Variants in XYLT1 observed in about 807,000 individuals in gnomAD.
XYLT1 encodes the protein xylosyltransferase 1, also known as beta-D-xylosyltransferase 1.
Under a neutral mutation model 91.3 loss-of-function variants are expected in XYLT1, and 36 were observed. The ratio of observed to expected loss-of-function variants is 0.39; its 90% confidence interval spans 0.30 to 0.52. XYLT1 has a LOEUF of 0.52. XYLT1 is among the 20% of genes least tolerant of loss of function. XYLT1 has a pLI of 0.68. For missense variants in XYLT1, 1,242 were observed against 1,284.5 expected, an observed-to-expected ratio of 0.97 and a Z score of 0.51; for synonymous variants, 588 against 532.0, an observed-to-expected ratio of 1.11 and a Z score of -1.45.
At chr16:17,115,312 T>TAAAAAAAGAAAA (rs1966849632) in intron 11 of XYLT1, among the ~76,000 whole-genome samples, 1 of 48,828 alleles carries the variant, frequency 2.0e-5, no homozygotes, top group Non-Finnish European at 3.7e-5. Flanking sequence ...CAAAAATAGT[T>TAAAAAAAGAAAA]AAAAAAAAAA....
At chr16:17,332,567 TACACACACACACACACACACACAC>T (rs60919228) in intron 2 of XYLT1, among the ~76,000 whole-genome samples, 36 of 138,006 alleles carry the variant, frequency 2.6e-4, no homozygotes, top group African/African-American at 7.8e-4. Context: ...ATCACACACA[TACACACACACACACACACACACAC>T]ACACACACAC....
intron 1 of XYLT1, among the ~76,000 whole-genome samples, chr16:17,418,114 A>G (rs984965686): frequency 6.6e-6 from 1 of 152,216 alleles, no homozygotes; most frequent in Non-Finnish European, 1.5e-5. Context: ...TCAGCCCACA[A>G]AACCTTGAGA....
chr16:17,456,709 G>A (rs899951402), intron 1 of XYLT1, among the ~76,000 whole-genome samples: 2 of 152,082 alleles, frequency 1.3e-5, no homozygotes, highest in Non-Finnish European at 1.5e-5. Context: ...CTTTCTGTGC[G>A]GCACATGCAT....
At chr16:17,237,273 A>G (rs1567336012) in intron 3 of XYLT1, among the ~76,000 whole-genome samples, 1 of 152,110 alleles carries the variant, frequency 6.6e-6, no homozygotes, top group Non-Finnish European at 1.5e-5. Flanking sequence ...GTTTTTCAGT[A>G]TTTTTTCCCC....
At chr16:17,272,898 A>G (rs1271331430) in intron 2 of XYLT1, among the ~76,000 whole-genome samples, 1 of 152,038 alleles carries the variant, frequency 6.6e-6, no homozygotes, top group South Asian at 2.1e-4. Context: ...TGTTTGATGG[A>G]GGTGGCATTG....
chr16:17,216,656 T>C (rs917409411), intron 3 of XYLT1, among the ~76,000 whole-genome samples: 20 of 152,334 alleles, frequency 1.3e-4, no homozygotes, highest in African/African-American at 4.1e-4. Context: ...TATCATCTCA[T>C]TGAGTTCTTG....
chr16:17,275,019 A>C (rs957296869), intron 2 of XYLT1, among the ~76,000 whole-genome samples: 33 of 152,030 alleles, frequency 2.2e-4, no homozygotes, highest in Admixed American at 1.8e-3. Context: ...TCTACTGAAA[A>C]TACAAAAATT....
chr16:17,331,409 C>T (rs1032895020), intron 2 of XYLT1, among the ~76,000 whole-genome samples: 4 of 152,224 alleles, frequency 2.6e-5, no homozygotes, highest in Middle Eastern at 3.2e-3. Flanking sequence ...CTGCCTCTGG[C>T]CATGCAAAAC....
At chr16:17,138,223 TATTATTA>T in intron 8 of XYLT1, 125 bp downstream of exon 8, 3 of 888,378 alleles carry the variant, frequency 3.4e-6, no homozygotes, top group Admixed American at 3.8e-5. Context: ...TACTGTTAAC[TATTATTA>T]ATTATCAACA....
intron 1 of XYLT1, among the ~76,000 whole-genome samples, chr16:17,381,161 C>T (rs1370709420): frequency 2.6e-5 from 4 of 151,818 alleles, no homozygotes; most frequent in Admixed American, 2.6e-4. Flanking sequence ...CAGTTGTTTG[C>T]CTGTGGATGG....
intron 6 of XYLT1, among the ~76,000 whole-genome samples, chr16:17,146,698 AGG>A (rs2031141928): frequency 1.3e-5 from 2 of 152,206 alleles, no homozygotes; most frequent in Non-Finnish European, 2.9e-5. Context: ...ATCCTGGGTT[AGG>A]TAATTCCCAA....
intron 5 of XYLT1, among the ~76,000 whole-genome samples, chr16:17,169,261 C>A (rs879902236): frequency 2.6e-5 from 4 of 152,176 alleles, no homozygotes; most frequent in Admixed American, 2.6e-4. Flanking sequence ...ACCAGGGGGA[C>A]AGTACCTCCT....
chr16:17,186,234 T>C (rs34653216), intron 5 of XYLT1, among the ~76,000 whole-genome samples: 1 of 151,738 alleles, frequency 6.6e-6, no homozygotes, highest in Admixed American at 6.6e-5. Context: ...CTCCCGAGTA[T>C]CTGGGATTAC....
intron 3 of XYLT1, among the ~76,000 whole-genome samples, chr16:17,254,045 C>G (rs930509075): frequency 6.6e-6 from 1 of 152,150 alleles, no homozygotes; most frequent in Non-Finnish European, 1.5e-5. Context: ...CCTTGAGCCT[C>G]GATTTCCTCA....
intron 5 of XYLT1, among the ~76,000 whole-genome samples, chr16:17,176,663 T>C (rs576640787): frequency 6.6e-6 from 1 of 152,226 alleles, no homozygotes; most frequent in South Asian, 2.1e-4. Flanking sequence ...AGCCTAAGAA[T>C]AAGGTATGCT....
Position 17,390,981 on chromosome 16 carries a change from T to C in XYLT1, c.364-32931A>G, listed in dbSNP as rs574519913. ...TGAACCTGGGAGATAGAGGTTGCAG[T>C]GAGACAAGATCACCCCATTGCACTC... On this transcript the variant is annotated intron_variant, in intron 1 of 11. Transcript: ENST00000261381. Among the ~76,000 whole-genome samples the C allele has an allele frequency of 1.4e-4, 21 of 152,178 alleles. 1 individual carries two copies. Among genetic ancestry groups the C allele is most frequent in the Admixed American group, 1.3e-3 (20 of 15,292 alleles).
intron 1 of XYLT1, among the ~76,000 whole-genome samples, chr16:17,430,271 T>C (rs1399946950): frequency 6.6e-6 from 1 of 152,102 alleles, no homozygotes; most frequent in Non-Finnish European, 1.5e-5. Flanking sequence ...ATCTAGAACG[T>C]TTTGAGTACC....
At chr16:17,187,428 G>A (rs1322490663) in intron 5 of XYLT1, among the ~76,000 whole-genome samples, 1 of 144,420 alleles carries the variant, frequency 6.9e-6, no homozygotes, top group Non-Finnish European at 1.5e-5. Context: ...TTAGCCAGAT[G>A]TGGTGGTGCA....
At chr16:17,192,659 T>C (rs13336934) in intron 5 of XYLT1, among the ~76,000 whole-genome samples, 7,556 of 152,232 alleles carry the variant, frequency 0.05, 250 homozygotes, top group Non-Finnish European at 0.052. Context: ...CAGGATGTCA[T>C]GTCAACAGCA....
Sources: gnomAD v4.1 joint callset for allele counts (sites outside exome capture counted in the v4.1 genomes callset) on GRCh38, gnomAD v4.1.1 for gene constraint, MANE v1.5 for transcripts, NCBI Gene and HGNC (gene_info 2026-07-23, HGNC 2026-07-21) for gene names.